Variants in SBK1 observed in about 807,000 individuals in gnomAD.
SBK1 encodes the protein SH3 domain binding kinase 1, also known as serine/threonine-protein kinase SBK1.
In SBK1, 11 loss-of-function variants were observed where a neutral mutation model predicts 24.4. The ratio of observed to expected loss-of-function variants is 0.45; its 90% CI spans 0.28 to 0.75. The LOEUF (loss-of-function observed/expected upper bound fraction) is 0.75. Ranked by LOEUF, SBK1 falls within the 30% of genes least tolerant of loss-of-function variation. The pLI is 0.12. For synonymous variants in SBK1, 308 were observed against 284.4 expected (o/e 1.08, Z -0.83); for missense variants, 467 against 620.5 (o/e 0.75, Z 2.63).
intron 1 of SBK1, among the ~76,000 whole-genome samples, chr16:28,287,500 T>C (rs1166458894): frequency 2.0e-5 from 3 of 152,018 alleles, no homozygotes; most frequent in Admixed American, 6.6e-5. Flanking sequence ...GGCTAAGTTT[T>C]TTCTTTGTGT....
chr16:28,266,630 T>G (rs1289978313), intron 1 of SBK1, among the ~76,000 whole-genome samples: 1 of 151,986 alleles, frequency 6.6e-6, no homozygotes. Flanking sequence ...CTTTGATTTT[T>G]CCATCTTCCA....
chr16:28,318,456 C>T (rs1248274316), intron 2 of SBK1, among the ~76,000 whole-genome samples: 2 of 152,212 alleles, frequency 1.3e-5, no homozygotes, highest in Non-Finnish European at 2.9e-5. Context: ...AGTGCACAAC[C>T]CATACAATCA....
intron 1 of SBK1, among the ~76,000 whole-genome samples, chr16:28,294,855 G>A (rs2044627591): frequency 6.6e-6 from 1 of 152,266 alleles, no homozygotes; most frequent in Non-Finnish European, 1.5e-5. Flanking sequence ...TTTCAGGACA[G>A]TTGAGGCAGC....
intron 1 of SBK1, among the ~76,000 whole-genome samples, chr16:28,299,544 C>A (rs1158070875): frequency 5.9e-5 from 9 of 152,214 alleles, no homozygotes; most frequent in Admixed American, 5.9e-4. Context: ...CTTCCACTTA[C>A]ACGGGGCCAT....
intron 1 of SBK1, among the ~76,000 whole-genome samples, chr16:28,298,445 G>A (rs1470609640): frequency 6.6e-6 from 1 of 152,250 alleles, no homozygotes; most frequent in Non-Finnish European, 1.5e-5. Context: ...TGAAGCCAGT[G>A]TCTGAGTGCC....
chr16:28,319,192 C>G lies in SBK1; in HGVS notation c.424C>G (p.Pro142Ala), dbSNP rs1486125030. ...TGGGGACCTGTTTGACATCATCCCT[C>G]CCCAGGTACTCGGGATGGTGGCATA... Reference protein sequence around the residue: ...PAGDLFDIIPPQVGLPEDTVK... With the variant: ...PAGDLFDIIPAQVGLPEDTVK... The change falls in exon 3 of 4, where the codon CCC becomes GCC. Residue 142 changes from proline to alanine, a missense_variant. Pro to Ala is a conservative substitution (Grantham distance 27). Transcript: ENST00000341901. This position sits in a 1 kb window ranked among gnomAD's most constrained non-coding sequence, Gnocchi z 4.0. The G allele has an allele frequency of 1.2e-6, 2 of 1,613,322 alleles. No homozygotes were observed. The highest frequency in any genetic ancestry group is 2.2e-5 in the South Asian group (2 of 91,066).
chr16:28,262,819 T>C (rs1045775322), intron 1 of SBK1, among the ~76,000 whole-genome samples: 3 of 152,168 alleles, frequency 2.0e-5, no homozygotes, highest in Non-Finnish European at 4.4e-5. Context: ...TAAATAAGCT[T>C]GGCAATCGTA....
At chr16:28,285,536 C>A (rs2044560371) in intron 1 of SBK1, 1 of 152,224 alleles carries the variant, frequency 6.6e-6, no homozygotes. Flanking sequence ...GCCTGGGTGA[C>A]AGAATGAGAC....
At chr16:28,278,165 T>G (rs1467124186) in intron 1 of SBK1, among the ~76,000 whole-genome samples, 2 of 152,238 alleles carry the variant, frequency 1.3e-5, no homozygotes, top group Non-Finnish European at 2.9e-5. Context: ...CGCCATGGCC[T>G]CCGTCTCTCT....
Position 28,322,960 on chromosome 16 carries a change from CTCTCTCTCTCTCTCTCTCTCCT to C in SBK1, c.*2040_*2061del, listed in dbSNP as rs2044868164. The C allele has an allele frequency of 8.2e-6, 1 of 122,422 alleles. No homozygotes were observed. The highest frequency in any genetic ancestry group is 3.3e-5 in the African/African-American group (1 of 30,640). 7.6% of individuals were successfully genotyped at this position (122,422 alleles called of 1,614,324 possible). ...TCTCTCTCTCTCTCTCTCTCTCTCT[CTCTCTCTCTCTCTCTCTCTCCT>C]CTCTTTCTCTCTCTCCCTCTCTCTG... On this transcript the variant is annotated 3_prime_UTR_variant, in exon 4 of 4. Coordinates refer to ENST00000341901, the MANE Select transcript of SBK1 (RefSeq NM_001024401.3).
At chr16:28,314,457 C>T (rs139635483) in intron 1 of SBK1, among the ~76,000 whole-genome samples, 50 of 151,848 alleles carry the variant, frequency 3.3e-4, no homozygotes, top group African/African-American at 1.2e-3. Context: ...TTGAGTGGCC[C>T]AACGCACTAT....
intron 1 of SBK1, among the ~76,000 whole-genome samples, chr16:28,312,183 T>C (rs1567679181): frequency 6.6e-6 from 1 of 152,196 alleles, no homozygotes; most frequent in Non-Finnish European, 1.5e-5. Flanking sequence ...CAAAGAGGGC[T>C]GCGTGCTCAT....
intron 1 of SBK1, among the ~76,000 whole-genome samples, chr16:28,264,036 G>A (rs1871554578): frequency 6.6e-6 from 1 of 152,136 alleles, no homozygotes; most frequent in Admixed American, 6.5e-5. Context: ...GGCTGAGGTG[G>A]GAGGGTTGCT....
intron 1 of SBK1, among the ~76,000 whole-genome samples, chr16:28,298,305 C>T (rs1261195611): frequency 1.3e-5 from 2 of 152,236 alleles, no homozygotes; most frequent in African/African-American, 4.8e-5. Context: ...GGAGAGGAAG[C>T]AGCGGAACAT....
chr16:28,309,623 G>A (rs561234457), intron 1 of SBK1, among the ~76,000 whole-genome samples: 4 of 152,190 alleles, frequency 2.6e-5, no homozygotes, highest in Non-Finnish European at 5.9e-5. Flanking sequence ...CAAGCTGGAC[G>A]TGGTGGCGCA....
At chr16:28,266,573 G>T (rs980748933) in intron 1 of SBK1, among the ~76,000 whole-genome samples, 1 of 151,942 alleles carries the variant, frequency 6.6e-6, no homozygotes, top group Admixed American at 6.6e-5. Context: ...GCTCTAGGAA[G>T]CTCTTCCTGG....
rs1274295947 is a variant in SBK1 at position 28,319,117 on chromosome 16, G to T, written c.349G>T (p.Val117Phe). 1 of 1,614,038 alleles carries T rather than the reference G, an allele frequency of 6.2e-7. No individual in the cohort carries two copies. Among genetic ancestry groups the T allele is most frequent in the South Asian group, 1.1e-5 (1 of 91,064 alleles). Reference sequence around the variant, plus strand: ...CTTCATCATCAAGGTCTTTGACGTGGTCTTTGAGACAGAGGACTGCTACGT... The same window carrying T: ...CTTCATCATCAAGGTCTTTGACGTGTTCTTTGAGACAGAGGACTGCTACGT... ...SPFIIKVFDV[V>F]FETEDCYVFA... The change falls in exon 3 of 4, where the codon GTC becomes TTC. Residue 117 changes from valine (V) to phenylalanine (F), a missense_variant. Physicochemically the swap from Val to Phe is conservative, Grantham distance 50. Coordinates refer to ENST00000341901, the MANE Select transcript of SBK1 (RefSeq NM_001024401.3). This position sits in a 1 kb window ranked among gnomAD's most constrained non-coding sequence, Gnocchi z 4.0.
At position 28,320,098 on chromosome 16, in the gene SBK1, T is replaced by A; in HGVS notation, c.452T>A (p.Val151Glu). The A allele has an allele frequency of 3.9e-6, 6 of 1,540,824 alleles. No homozygotes were observed. Among genetic ancestry groups the A allele is most frequent in the Non-Finnish European group, 5.2e-6 (6 of 1,148,772 alleles). Residue 151 changes from valine (V) to glutamate (E), a missense_variant, in exon 4 of 4, where the codon GTG (valine) becomes GAG (glutamate). This residue lies in a region of SBK1 where 92 missense variants were observed against 193.8 expected (regional missense o/e 0.47). Transcript: ENST00000341901. The surrounding 1 kb of genome is among the most constrained non-coding windows in gnomAD (Gnocchi z 8.5). ...CAGGTGGGGCTCCCTGAGGACACGG[T>A]GAAGCGCTGTGTGCAGCAGCTGGGC... ...PPQVGLPEDT[V>E]KRCVQQLGLA...
intron 1 of SBK1, among the ~76,000 whole-genome samples, chr16:28,267,268 C>T (rs2044435173): frequency 6.6e-6 from 1 of 152,062 alleles, no homozygotes; most frequent in African/African-American, 2.4e-5. Context: ...CTATGTGGGC[C>T]AGGCTGTTCT....
Sources: gnomAD v4.1 joint callset for allele counts (sites outside exome capture counted in the v4.1 genomes callset) on GRCh38, gnomAD v4.1.1 for gene constraint, gnomAD v4.1.1 regional missense constraint, Gnocchi (gnomAD v3.1) non-coding constraint, MANE v1.5 for transcripts, NCBI Gene and HGNC (gene_info 2026-07-23, HGNC 2026-07-21) for gene names.